Variants in BRWD1 observed in about 807,000 individuals in gnomAD.
The protein encoded by BRWD1 is bromodomain and WD repeat domain containing 1.
BRWD1 carries 82 observed loss-of-function variants against 251.2 expected under a neutral mutation model. The observed-to-expected ratio is 0.33, with a 90% CI of 0.27 to 0.39. The LOEUF (loss-of-function observed/expected upper bound fraction) is 0.39, where lower values mean the gene tolerates loss of function less well. Ranked by LOEUF, BRWD1 falls within the 10% of genes least tolerant of loss-of-function variation. The pLI is 1.00. For missense variants in BRWD1, 2,233 were observed against 2,711.6 expected, an observed-to-expected ratio of 0.82 and a Z score of 3.92; for synonymous variants, 918 against 902.8, an observed-to-expected ratio of 1.02 and a Z score of -0.30.
chr21:39,267,951 A>G (rs752272852), intron 15 of BRWD1, among the ~76,000 whole-genome samples: 1 of 152,236 alleles, frequency 6.6e-6, no homozygotes, highest in Non-Finnish European at 1.5e-5. Flanking sequence ...ACTATGTGCA[A>G]GCACATTTAC....
intron 13 of BRWD1, among the ~76,000 whole-genome samples, chr21:39,272,878 C>T (rs2146680120): frequency 6.6e-6 from 1 of 152,262 alleles, no homozygotes; most frequent in East Asian, 1.9e-4. Flanking sequence ...TCCCAAAGTG[C>T]TGGGAATACA....
intron 5 of BRWD1, chr21:39,297,021 T>C: frequency 1.0e-6 from 1 of 985,402 alleles, no homozygotes; most frequent in African/African-American, 1.7e-5. Flanking sequence ...CATTGTAGGA[T>C]CACAGAAAAT....
chr21:39,216,728 C>A, intron 31 of BRWD1: 1 of 418,582 alleles, frequency 2.4e-6, no homozygotes, highest in Non-Finnish European at 4.7e-6. Context: ...TTAAAGACTT[C>A]ACAACAAAAG....
At position 39,235,045 on chromosome 21, in the gene BRWD1, T is replaced by C. The variant is rs182570684; in HGVS notation, c.2766+1550A>G. 4.8e-3 allele frequency among the ~76,000 whole-genome samples: 723 copies of C among 152,192 alleles called. 2 individuals carry two copies. Among genetic ancestry groups the C allele is most frequent in the Admixed American group, 0.012 (179 of 15,280 alleles). On this transcript the variant is annotated intron_variant, in intron 23 of 40. Transcript: ENST00000342449. ...GGGCAGATCACCTGAGGTCAGAAGT[T>C]CGAGACCAGCCTGGCCAACATGACA...
chr21:39,190,404 G>GA lies in BRWD1; in HGVS notation c.*5854dup. 1 of 985,276 alleles carries GA rather than the reference G, an allele frequency of 1.0e-6. No individual in the cohort carries two copies. The highest frequency in any genetic ancestry group is 1.2e-6 in the Non-Finnish European group (1 of 829,856). The allele number at this position is 985,276 out of a possible 1,614,324, so 61.0% of individuals were successfully genotyped here. A position where few individuals can be genotyped will look rare whatever the true frequency, so the allele number is the denominator to read the frequency against. The stretch of plus-strand genomic sequence containing the variant: ...TAAAACAGATTTGAGAATGAGAAAA[G>GA]AATGTCTGACTCAAAATGAAAACAT... On this transcript the variant is annotated 3_prime_UTR_variant, in exon 41 of 41. Transcript: ENST00000342449.
At position 39,196,488 on chromosome 21, in the gene BRWD1, A is replaced by G. The variant is rs1451229359; in HGVS notation, c.6581T>C (p.Phe2194Ser). ...KAKVVRKGKT[F>S]TANISKTVRR... ...CACAGTTTTAGATATGTTAGCTGTAAAAGTTTTACCTTTTCTAACTACTTT... is the reference window on the plus strand; with the variant it reads ...CACAGTTTTAGATATGTTAGCTGTAGAAGTTTTACCTTTTCTAACTACTTT... The change falls in exon 41 of 41, where the codon TTT (phenylalanine) becomes TCT (serine). Residue 2194 changes from phenylalanine to serine, a missense_variant. By Grantham distance (155) the Phe-to-Ser change is radical. This residue lies in a region of BRWD1 where 928 missense variants were observed against 970.0 expected (regional missense o/e 0.96). Coordinates refer to ENST00000342449, the MANE Select transcript of BRWD1 (RefSeq NM_033656.4). 4.3e-6 allele frequency: 7 copies of G among 1,613,234 alleles called. No homozygotes were observed. Among genetic ancestry groups the G allele is most frequent in the East Asian group, 2.2e-5 (1 of 44,868 alleles).
chr21:39,270,396 T>C lies in BRWD1; in HGVS notation c.1282A>G (p.Lys428Glu), dbSNP rs757853641. Reference sequence around the variant, plus strand: ...TGATTCCAAGCTATCATTGTTACTTTAGGTTTCATAAACCTTTCCTCTTCG... The same window carrying C: ...TGATTCCAAGCTATCATTGTTACTTCAGGTTTCATAAACCTTTCCTCTTCG... Reference protein sequence around the residue: ...SSEEERFMKPKVTMIAWNQND... With the variant: ...SSEEERFMKPEVTMIAWNQND... The change falls in exon 14 of 41, where the codon AAA becomes GAA. Residue 428 changes from lysine to glutamate, a missense_variant. Lys to Glu is a moderately conservative substitution (Grantham distance 56). Coordinates refer to ENST00000342449, the MANE Select transcript of BRWD1 (RefSeq NM_033656.4). 1.2e-6 allele frequency: 2 copies of C among 1,612,072 alleles called. No homozygotes were observed. Among genetic ancestry groups the C allele is most frequent in the Non-Finnish European group, 1.7e-6 (2 of 1,179,152 alleles).
chr21:39,319,142 A>T (rs1344697566), intron 1 of BRWD1, among the ~76,000 whole-genome samples: 1 of 152,156 alleles, frequency 6.6e-6, no homozygotes, highest in Non-Finnish European at 1.5e-5. Flanking sequence ...TAGATATTAT[A>T]TTGCATTTAA....
chr21:39,259,091 C>T (rs576063198), intron 17 of BRWD1, among the ~76,000 whole-genome samples: 1 of 152,136 alleles, frequency 6.6e-6, no homozygotes, highest in Non-Finnish European at 1.5e-5. Context: ...TTAATTTCTT[C>T]TCTATGTCTT....
In BRWD1 at chr21:39,258,612, C is replaced by A. The variant is rs756150602; in HGVS notation, c.1946G>T (p.Ser649Ile). 9.9e-6 allele frequency: 16 copies of A among 1,612,196 alleles called. No individual in the cohort carries two copies. Among genetic ancestry groups the A allele is most frequent in the Admixed American group, 3.3e-5 (2 of 59,868 alleles). ...TCCATCAAGAATACTCGATTCTGGG[C>A]TGCGTTCATCATTATCATTGGTTTG... is the stretch of plus-strand genomic sequence containing the variant. ...SLQTNDNDER[S>I]PESSILDGMI... Residue 649 changes from serine to isoleucine, a missense_variant, in exon 18 of 41, where the codon AGC becomes ATC. Physicochemically the swap from Ser to Ile is moderately radical, Grantham distance 142 (BLOSUM62 -2). Transcript: ENST00000342449.
chr21:39,220,422 C>T (rs1370942580), intron 29 of BRWD1, among the ~76,000 whole-genome samples: 1 of 152,214 alleles, frequency 6.6e-6, no homozygotes, highest in Non-Finnish European at 1.5e-5. Context: ...CAGTTCTAGG[C>T]TGAGCACTGC....
chr21:39,197,212 C>A lies in BRWD1; in HGVS notation c.5857G>T (p.Val1953Leu). 1 of 1,614,002 alleles carries A rather than the reference C, an allele frequency of 6.2e-7. No individual in the cohort carries two copies. ...SDVEDVSLEN[V>L]HTRSKNGRKK... ...CTTCCATTTTTGCTTCTAGTGTGCA[C>A]ATTTTCTAAACTGACATCTTCTACA... Residue 1953 changes from valine (V) to leucine (L), a missense_variant, in exon 41 of 41, where the codon GTG becomes TTG. By Grantham distance (32) the Val-to-Leu change is conservative. Around this residue, in one of 12 missense-constraint regions of BRWD1, gnomAD observed 928 missense variants for 970.0 expected, o/e 0.96. Transcript: ENST00000342449.
intron 6 of BRWD1, 24 bp from the exon 7 acceptor site, chr21:39,295,927 T>C (rs777443487): frequency 9.8e-6 from 15 of 1,528,524 alleles, no homozygotes; most frequent in African/African-American, 5.6e-5. Flanking sequence ...ACAATGAAAA[T>C]GGTTAAGGGA....
At position 39,264,654 on chromosome 21, in the gene BRWD1, T is replaced by C. The variant is rs2034863578; in HGVS notation, c.1691A>G (p.Tyr564Cys). The C allele has an allele frequency of 1.2e-6, 2 of 1,611,518 alleles. No individual in the cohort carries two copies. Among genetic ancestry groups the C allele is most frequent in the Admixed American group, 1.7e-5 (1 of 59,704 alleles). Reference sequence around the variant, plus strand: ...ATTAGAATCTCTAATAAGTGGTCGATAGTCAGTATGGAAGAACATCTGATC... The same window carrying C: ...ATTAGAATCTCTAATAAGTGGTCGACAGTCAGTATGGAAGAACATCTGATC... Reference protein sequence around the residue: ...IPDQMFFHTDYRPLIRDSNNY... With the variant: ...IPDQMFFHTDCRPLIRDSNNY... Residue 564 changes from tyrosine to cysteine, a missense_variant, in exon 17 of 41, where the codon TAT becomes TGT. Tyr to Cys is a radical substitution (Grantham distance 194). Around this residue, in one of 12 missense-constraint regions of BRWD1, gnomAD observed 315 missense variants for 421.8 expected, o/e 0.75. Coordinates refer to ENST00000342449, the MANE Select transcript of BRWD1 (RefSeq NM_033656.4).
At chr21:39,209,853 T>C in intron 36 of BRWD1, 142 bp downstream of exon 36, 3 of 788,656 alleles carry the variant, frequency 3.8e-6, no homozygotes, top group Non-Finnish European at 3.7e-6. Flanking sequence ...TTCTTTATAA[T>C]AGTCTTAATT....
chr21:39,201,109 C>T (rs896858779), intron 38 of BRWD1, among the ~76,000 whole-genome samples: 10 of 152,192 alleles, frequency 6.6e-5, no homozygotes, highest in African/African-American at 2.4e-4. Context: ...GTTTGCATGT[C>T]TCACCATCCT....
chr21:39,271,246 C>T (rs1020283298), intron 13 of BRWD1, among the ~76,000 whole-genome samples: 4 of 152,010 alleles, frequency 2.6e-5, no homozygotes, highest in African/African-American at 9.7e-5. Context: ...GAACCAAGAC[C>T]GCACCATTGC....
At chr21:39,260,880 C>CA (rs1235693937) in intron 17 of BRWD1, among the ~76,000 whole-genome samples, 1 of 152,152 alleles carries the variant, frequency 6.6e-6, no homozygotes, top group Non-Finnish European at 1.5e-5. Flanking sequence ...GAACTGCACA[C>CA]AAAGCTCCAA....
chr21:39,262,410 C>A (rs2034782040), intron 17 of BRWD1, among the ~76,000 whole-genome samples: 1 of 152,174 alleles, frequency 6.6e-6, no homozygotes, highest in Non-Finnish European at 1.5e-5. Context: ...GTCAAAGAAG[C>A]CAGACACAAA....
Sources: gnomAD v4.1 joint callset for allele counts (sites outside exome capture counted in the v4.1 genomes callset) on GRCh38, gnomAD v4.1.1 for gene constraint, gnomAD v4.1.1 regional missense constraint, MANE v1.5 for transcripts, NCBI Gene and HGNC (gene_info 2026-07-23, HGNC 2026-07-21) for gene names.